ANKRD36: variants seen among roughly 807,000 people sequenced by gnomAD.
ANKRD36 encodes the protein ankyrin repeat domain 36.
Under a neutral mutation model 278.1 loss-of-function variants are expected in ANKRD36, and 179 were observed. The observed-to-expected ratio is 0.64, with a 90% CI of 0.57 to 0.73. The LOEUF (loss-of-function observed/expected upper bound fraction) is 0.73. ANKRD36 is among the 30% of genes least tolerant of loss of function. The pLI, the probability that ANKRD36 is intolerant of heterozygous loss-of-function variation, is 0.00. For missense variants in ANKRD36, 1,159 were observed against 1,956.7 expected, an observed-to-expected ratio of 0.59 and a Z score of 7.69; for synonymous variants, 320 against 641.1, an observed-to-expected ratio of 0.50 and a Z score of 7.57.
At chr2:97,211,822 T>G in intron 58 of ANKRD36, 81 bp downstream of exon 58, 1 of 1,443,002 alleles carries the variant, frequency 6.9e-7, no homozygotes, top group South Asian at 1.3e-5. Context: ...CAGCGGGGGG[T>G]TCGTCAAGCC....
chr2:97,208,774 T>TA (rs1351042418), intron 54 of ANKRD36, among the ~76,000 whole-genome samples: 1 of 146,604 alleles, frequency 6.8e-6, no homozygotes, highest in African/African-American at 2.7e-5. Context: ...ACCTCGTGGA[T>TA]AAAATAGCTA....
intron 30 of ANKRD36, among the ~76,000 whole-genome samples, chr2:97,185,816 A>C (rs1193115035): frequency 6.6e-6 from 1 of 151,798 alleles, no homozygotes; most frequent in Non-Finnish European, 1.5e-5. Context: ...GTTTTCACCA[A>C]GGGTGGAAGG....
intron 8 of ANKRD36, among the ~76,000 whole-genome samples, chr2:97,143,890 A>G (rs1448328085): frequency 1.3e-5 from 2 of 152,042 alleles, no homozygotes; most frequent in East Asian, 3.9e-4. Context: ...TGAAGGCTAA[A>G]CTAGAGGATC....
At chr2:97,159,441 T>C (rs2048298284) in intron 17 of ANKRD36, among the ~76,000 whole-genome samples, 1 of 151,976 alleles carries the variant, frequency 6.6e-6, no homozygotes, top group Non-Finnish European at 1.5e-5. Context: ...AATTTAAAAA[T>C]TCTAAATGGA....
intron 22 of ANKRD36, among the ~76,000 whole-genome samples, chr2:97,170,449 T>A (rs1429359515): frequency 6.6e-6 from 1 of 151,932 alleles, no homozygotes; most frequent in African/African-American, 2.4e-5. Context: ...AAACAAGAAA[T>A]GGGGAAAGGA....
chr2:97,200,497 A>C lies in ANKRD36; in HGVS notation c.2829A>C (p.Glu943Asp), dbSNP rs542745376. 3 of 1,575,786 alleles carry C rather than the reference A, an allele frequency of 1.9e-6. No individual in the cohort carries two copies. Among genetic ancestry groups the C allele is most frequent in the South Asian group, 1.2e-5 (1 of 86,454 alleles). The change falls in exon 46 of 76, where the codon GAA (glutamate) becomes GAC (aspartate). Residue 943 changes from glutamate to aspartate, a missense_variant. By Grantham distance (45) the Glu-to-Asp change is conservative (BLOSUM62 2). Transcript: ENST00000420699. ...EKDSFSNITR[E>D]KKDGEISRKV... ...ATTCTTTTTCGAATATAACCAGAGA[A>C]AAAAAGGATGGAGAAATATCTAGGA...
chr2:97,210,368 T>G (rs1296641981), intron 56 of ANKRD36, among the ~76,000 whole-genome samples: 2 of 151,800 alleles, frequency 1.3e-5, no homozygotes, highest in Non-Finnish European at 2.9e-5. Context: ...AATTCTTTTA[T>G]ATAATTTTGG....
At chr2:97,126,486 A>G (rs542719507) in intron 5 of ANKRD36, among the ~76,000 whole-genome samples, 1 of 152,106 alleles carries the variant, frequency 6.6e-6, no homozygotes, top group African/African-American at 2.4e-5. Flanking sequence ...CCTGAATTAT[A>G]AGCCACAAAT....
chr2:97,127,167 G>T (rs1188537064), intron 6 of ANKRD36, 33 bp downstream of exon 6: 4 of 881,562 alleles, frequency 4.5e-6, no homozygotes, highest in East Asian at 3.1e-5. Flanking sequence ...ACTCTTGATG[G>T]TACTACCATA....
At chr2:97,260,377 T>C (rs182591624) in intron 75 of ANKRD36, among the ~76,000 whole-genome samples, 145 of 124,656 alleles carry the variant, frequency 1.2e-3, no homozygotes, top group African/African-American at 3.4e-3. Context: ...TATATATATA[T>C]ATACACACAT....
intron 6 of ANKRD36, among the ~76,000 whole-genome samples, chr2:97,141,995 A>C (rs2153449708): frequency 6.6e-6 from 1 of 152,404 alleles, no homozygotes; most frequent in South Asian, 2.1e-4. Context: ...GTGGATGAAA[A>C]AACTTTCAGA....
chr2:97,221,107 T>G (rs1280554188), intron 66 of ANKRD36, among the ~76,000 whole-genome samples: 5 of 135,750 alleles, frequency 3.7e-5, no homozygotes, highest in African/African-American at 1.7e-4. Context: ...GGACATGAAC[T>G]CATCATTTTT....
intron 64 of ANKRD36, 107 bp from the exon 65 acceptor site, chr2:97,218,943 C>T (rs2066655900): frequency 1.4e-6 from 2 of 1,472,054 alleles, no homozygotes; most frequent in Non-Finnish European, 1.8e-6. Context: ...TGAAACCCTA[C>T]ACTAATACAG....
At chr2:97,228,415 T>C (rs2070704620) in intron 67 of ANKRD36, among the ~76,000 whole-genome samples, 1 of 152,128 alleles carries the variant, frequency 6.6e-6, no homozygotes, top group South Asian at 2.1e-4. Context: ...TTTTCTAGTT[T>C]ATTTGTGTAG....
chr2:97,193,355 G>A (rs1027247909), intron 38 of ANKRD36, among the ~76,000 whole-genome samples: 1 of 137,002 alleles, frequency 7.3e-6, no homozygotes, highest in Non-Finnish European at 1.6e-5. Flanking sequence ...CTTGTTTTCA[G>A]TAAGGGTGGA....
rs1163611476 is a variant in ANKRD36 at position 97,122,744 on chromosome 2, G to A, written c.487-143G>A. On this transcript the variant is annotated intron_variant, in intron 3 of 75. Transcript: ENST00000420699. ...AAGGAGCAGAACATAGAAAAGCACC[G>A]AGGAGGGAAAAGAAAGGGACTACCT... The A allele has an allele frequency of 3.5e-5, 21 of 601,068 alleles. 1 individual carries two copies. The highest frequency in any genetic ancestry group is 3.0e-4 in the South Asian group (13 of 42,676). 37.2% of individuals were successfully genotyped at this position (601,068 alleles called of 1,614,324 possible).
In ANKRD36 at chr2:97,243,175, T is replaced by C. The variant is rs558990730; in HGVS notation, c.4308-671T>C. Among the ~76,000 whole-genome samples, 407 of 143,082 alleles carry C rather than the reference T, an allele frequency of 2.8e-3. 66 individuals are homozygous for C. Among genetic ancestry groups the C allele is most frequent in the Non-Finnish European group, 3.0e-3 (188 of 63,548 alleles). The allele number at this position is 143,082 out of a possible 152,430, so 93.9% of individuals were successfully genotyped here. A position where few individuals can be genotyped will look rare whatever the true frequency, so the allele number is the denominator to read the frequency against. On this transcript the variant is annotated intron_variant, in intron 69 of 75. Transcript: ENST00000420699. The stretch of plus-strand genomic sequence containing the variant: ...AGGTCCTGAGAACATGTGCCCGAGG[T>C]GGTCGGGGTGCAGCTTGGTTTTATA...
At chr2:97,213,020 G>A in intron 58 of ANKRD36, 1 of 439,214 alleles carries the variant, frequency 2.3e-6, no homozygotes, top group Non-Finnish European at 4.0e-6. Context: ...TACTATAATG[G>A]TGTAAATCCT....
chr2:97,183,663 G>C lies in ANKRD36; in HGVS notation c.1939+9G>C. ...TGGGAAATCTGGAACAGGTAATTTG[G>C]CAATACACATTTAATGTCATGTGCA... is the stretch of plus-strand genomic sequence containing the variant. On this transcript the variant is annotated intron_variant, in intron 28 of 75. Transcript: ENST00000420699. 6.4e-7 allele frequency: 1 copy of C among 1,567,376 alleles called. No homozygotes were observed. The highest frequency in any genetic ancestry group is 8.6e-7 in the Non-Finnish European group (1 of 1,156,240).
Sources: gnomAD v4.1 joint callset for allele counts (sites outside exome capture counted in the v4.1 genomes callset) on GRCh38, gnomAD v4.1.1 for gene constraint, MANE v1.5 for transcripts, NCBI Gene and HGNC (gene_info 2026-07-23, HGNC 2026-07-21) for gene names.